The following RPL3 variants were observed in gnomAD, a reference collection of about 807,000 sequenced individuals.
RPL3 encodes the protein large ribosomal subunit protein uL3.
Under a neutral mutation model 46.0 loss-of-function variants are expected in RPL3, and 3 were observed. The ratio of observed to expected loss-of-function variants is 0.07; its 90% CI spans 0.03 to 0.17. RPL3 has a LOEUF of 0.17. Ranked by LOEUF, RPL3 falls within the 10% of genes least tolerant of loss-of-function variation. The pLI, the probability that RPL3 is intolerant of heterozygous loss-of-function variation, is 1.00. For missense variants in RPL3, 387 were observed against 532.7 expected, an observed-to-expected ratio of 0.73 and a Z score of 2.69; for synonymous variants, 224 against 190.8, an observed-to-expected ratio of 1.17 and a Z score of -1.43.
intron 5 of RPL3, 51 bp from the exon 6 acceptor site, chr22:39,314,897 C>T (rs1318757796): frequency 1.9e-6 from 3 of 1,587,424 alleles, no homozygotes; most frequent in African/African-American, 2.7e-5. Context: ...CTCCCACTGA[C>T]CCCTTCCTGC....
At chr22:39,318,294 T>C in intron 2 of RPL3, 106 bp downstream of exon 2, 2 of 1,199,198 alleles carry the variant, frequency 1.7e-6, no homozygotes, top group Non-Finnish European at 2.4e-6. Flanking sequence ...GTGTAACTCC[T>C]GCTTAAAAAA....
chr22:39,318,698 AC>A, intron 1 of RPL3, 106 bp from the exon 2 acceptor site: 1 of 936,934 alleles, frequency 1.1e-6, no homozygotes, highest in Non-Finnish European at 1.6e-6. Flanking sequence ...AAGAATCCTG[AC>A]CAGACACCCA....
At position 39,313,302 on chromosome 22, in the gene RPL3, C is replaced by A. The variant is rs373966529; in HGVS notation, c.1056G>T (p.Leu352=). 42 of 1,613,860 alleles carry A rather than the reference C, an allele frequency of 2.6e-5. No individual in the cohort carries two copies. The highest frequency in any genetic ancestry group is 3.4e-5 in the Non-Finnish European group (40 of 1,179,976). The change falls in exon 9 of 10, where the codon CTG becomes CTT. Residue 352 remains leucine (L), a synonymous_variant. Transcript: ENST00000216146. ...KRVLTLRKSL[L]VQTKRRALEK... is the part of the protein sequence containing the mutation. ...CCAGAGCCCGCCGCTTCGTCTGCAC[C>A]AGCAAGGACTATGGGCCAAGAGGGG... is the stretch of plus-strand genomic sequence containing the variant.
In RPL3 at chr22:39,315,463, G is replaced by A. The variant is rs368072771; in HGVS notation, c.594C>T (p.Arg198=). 8.2e-5 allele frequency: 132 copies of A among 1,613,992 alleles called. No homozygotes were observed. Among genetic ancestry groups the A allele is most frequent in the South Asian group, 1.8e-4 (16 of 91,082 alleles). The change falls in exon 5 of 10, where the codon CGC becomes CGT. Residue 198 remains arginine, a synonymous_variant. Coordinates refer to ENST00000216146, the MANE Select transcript of RPL3 (RefSeq NM_000967.4). ...CAGGTACCTGCTGCTCAAGCCTCTC[G>A]CGGGCCCAGTCCAGCTTCTCGGCCA... ...GTVAEKLDWA[R]ERLEQQVPVN... is the part of the protein sequence containing the mutation.
chr22:39,313,466 G>A, intron 8 of RPL3, 156 bp from the exon 9 acceptor site: 1 of 1,331,498 alleles, frequency 7.5e-7, no homozygotes, highest in African/African-American at 1.5e-5. Context: ...AAACAGCCCA[G>A]CAAGGCCAGA....
intron 2 of RPL3, 102 bp from the exon 3 acceptor site, chr22:39,317,731 T>C (rs1922794887): frequency 7.5e-7 from 1 of 1,333,116 alleles, no homozygotes; most frequent in Non-Finnish European, 1.1e-6. Context: ...GAAGGGCAAC[T>C]GGGCCCCACA....
rs1922839213 is a variant in RPL3, at chr22:39,318,416, G to A, written c.180C>T (p.Val60=). The change falls in exon 2 of 10, where the codon GTC becomes GTT. Residue 60 remains valine, a synonymous_variant. Coordinates refer to ENST00000216146, the MANE Select transcript of RPL3 (RefSeq NM_000967.4). ...KAGMTHIVRE[V]DRPGSKVNKK... is the part of the protein sequence containing the mutation. ...TGTACATACTGGATCCCGGCCTGTC[G>A]ACTTCCCGCACGATGTGAGTCATGC... 1.2e-6 allele frequency: 2 copies of A among 1,613,472 alleles called. No homozygotes were observed. The highest frequency in any genetic ancestry group is 1.7e-6 in the Non-Finnish European group (2 of 1,179,834).
intron 3 of RPL3, 140 bp from the exon 4 acceptor site, chr22:39,316,981 G>A (rs1922739158): frequency 7.8e-7 from 1 of 1,287,832 alleles, no homozygotes; most frequent in African/African-American, 1.5e-5. Flanking sequence ...CCACCAGCAA[G>A]CGGAGCCTGG....
chr22:39,315,560 G>A lies in RPL3; in HGVS notation c.502-5C>T, dbSNP rs748587747. The stretch of plus-strand genomic sequence containing the variant: ...GCGCAGAGGAAGCAGGCGCATCTAG[G>A]AGAAGGTAGACACAGCTCAGCTCCA... On this transcript the variant is annotated splice_polypyrimidine_tract_variant and splice_region_variant and intron_variant, in intron 4 of 9. Transcript: ENST00000216146. 34 of 1,613,676 alleles carry A rather than the reference G, an allele frequency of 2.1e-5. No homozygotes were observed. Among genetic ancestry groups the A allele is most frequent in the Non-Finnish European group, 2.9e-5 (34 of 1,179,948 alleles).
intron 5 of RPL3, chr22:39,315,075 C>T (rs780876267): frequency 1.4e-5 from 10 of 699,138 alleles, no homozygotes; most frequent in Non-Finnish European, 2.4e-5. Context: ...TTAAGCTCCC[C>T]CATTCACAGG....
intron 4 of RPL3, among the ~76,000 whole-genome samples, 181 bp downstream of exon 4, chr22:39,316,525 G>T (rs970556804): frequency 5.3e-5 from 8 of 152,214 alleles, no homozygotes; most frequent in Admixed American, 1.3e-4. Context: ...AGTGTTACTG[G>T]TGAGTCACCA....
rs544803996 is a variant in RPL3 at position 39,319,604 on chromosome 22, A to G, written c.-7T>C. ...CCATTACAACACATACCATCACGCC[A>G]TCAAATCCCGCCGGTAGAGGCCGGT... is the stretch of plus-strand genomic sequence containing the variant. On this transcript the variant is annotated 5_prime_UTR_variant, in exon 1 of 10. The change abolishes an upstream ATG in the 5' untranslated region. Coordinates refer to ENST00000216146, the MANE Select transcript of RPL3 (RefSeq NM_000967.4). The G allele has an allele frequency of 3.2e-6, 5 of 1,549,080 alleles. No homozygotes were observed. Among genetic ancestry groups the G allele is most frequent in the African/African-American group, 1.4e-5 (1 of 73,020 alleles).
rs770940650 is a variant in RPL3 at position 39,313,747 on chromosome 22, G to A, written c.952-18C>T. 1.3e-5 allele frequency: 21 copies of A among 1,610,270 alleles called. No homozygotes were observed. In the Admixed American group the frequency reaches 3.3e-4, roughly 26 times the overall value. On this transcript the variant is annotated intron_variant, in intron 7 of 9. Coordinates refer to ENST00000216146, the MANE Select transcript of RPL3 (RefSeq NM_000967.4). ...AAGCCACCCTGGAAAACGAGCATCG[G>A]ATCAGCACAGGCCCAGGAGGGGATT...
intron 1 of RPL3, chr22:39,319,135 C>T (rs470082): frequency 0.43 from 234,729 of 541,014 alleles, 53,421 homozygotes; most frequent in Non-Finnish European, 0.49. Flanking sequence ...CTCCAGAGGC[C>T]TTCGGAGTGC....
intron 4 of RPL3, among the ~76,000 whole-genome samples, chr22:39,316,324 T>C (rs916535957): frequency 2.6e-5 from 4 of 151,652 alleles, no homozygotes; most frequent in African/African-American, 7.3e-5. Context: ...ACGGTGGACA[T>C]GCACTCTCAT....
At position 39,316,912 on chromosome 22, in the gene RPL3, G is replaced by A. The variant is rs765558055; in HGVS notation, c.366-71C>T. ...TCATCACCCCTCCGAGGGGTGAGCG[G>A]AAGGCACACTGGCACCGCGTGGGGA... On this transcript the variant is annotated intron_variant, in intron 3 of 9. Coordinates refer to ENST00000216146, the MANE Select transcript of RPL3 (RefSeq NM_000967.4). The A allele has an allele frequency of 5.0e-6, 8 of 1,607,718 alleles. No individual in the cohort carries two copies. The East Asian group carries it at 1.8e-4, about 36-fold the overall frequency.
chr22:39,319,503 G>A (rs1922918300), intron 1 of RPL3, 92 bp downstream of exon 1: 5 of 1,529,426 alleles, frequency 3.3e-6, no homozygotes, highest in Admixed American at 2.0e-5. Flanking sequence ...GCAAACCCCC[G>A]GCGCCGGCCA....
intron 3 of RPL3, 127 bp downstream of exon 3, chr22:39,317,332 CGA>C (rs1225894396): frequency 2.8e-6 from 3 of 1,082,712 alleles, no homozygotes; most frequent in African/African-American, 3.2e-5. Context: ...TTTTTCTGTT[CGA>C]GAGGCAAACT....
At position 39,317,270 on chromosome 22, in the gene RPL3, G is replaced by A. The variant is rs1922760897; in HGVS notation, c.365+191C>T. The stretch of plus-strand genomic sequence containing the variant: ...CCCACTAGCCTGGACTCAGAATGAG[G>A]GTGTTAGCTTCCGGCTGAAACCAGA... On this transcript the variant is annotated intron_variant, in intron 3 of 9. Transcript: ENST00000216146. 1.5e-5 allele frequency: 10 copies of A among 665,904 alleles called. No individual in the cohort carries two copies. In the South Asian group the frequency reaches 1.8e-4, roughly 12 times the overall value. 41.2% of individuals were successfully genotyped at this position (665,904 alleles called of 1,614,324 possible).
Sources: gnomAD v4.1 joint callset for allele counts (sites outside exome capture counted in the v4.1 genomes callset) on GRCh38, gnomAD v4.1.1 for gene constraint, MANE v1.5 for transcripts, NCBI Gene and HGNC (gene_info 2026-07-23, HGNC 2026-07-21) for gene names.